The following FBXL17 variants were observed in gnomAD, a reference collection of about 807,000 sequenced individuals.
FBXL17 encodes the protein F-box/LRR-repeat protein 17.
Under a neutral mutation model 66.2 loss-of-function variants are expected in FBXL17, and 22 were observed. That is an observed-to-expected ratio of 0.33 (90% confidence interval 0.24 to 0.47). The LOEUF (loss-of-function observed/expected upper bound fraction) is 0.47. FBXL17 is among the 20% of genes least tolerant of loss of function. The pLI is 1.00. For missense variants in FBXL17, 878 were observed against 948.2 expected (o/e 0.93, Z 0.97); for synonymous variants, 474 against 400.5 (o/e 1.18, Z -2.19).
At chr5:108,370,376 G>A (rs980262732) in intron 1 of FBXL17, among the ~76,000 whole-genome samples, 1 of 152,046 alleles carries the variant, frequency 6.6e-6, no homozygotes, top group Non-Finnish European at 1.5e-5. Context: ...TTTAAATCTT[G>A]GGCCTCGGGA....
chr5:107,984,504 C>T (rs1752942771), intron 7 of FBXL17, among the ~76,000 whole-genome samples: 1 of 152,106 alleles, frequency 6.6e-6, no homozygotes, highest in Non-Finnish European at 1.5e-5. Context: ...CTTCAGTTCC[C>T]AGATGCCTGT....
intron 7 of FBXL17, among the ~76,000 whole-genome samples, chr5:107,914,058 C>A (rs1750045146): frequency 6.6e-6 from 1 of 151,174 alleles, no homozygotes; most frequent in African/African-American, 2.4e-5. Flanking sequence ...AAATTTAGTT[C>A]TATAGGAATA....
At chr5:108,157,007 A>G (rs1458477066) in intron 6 of FBXL17, among the ~76,000 whole-genome samples, 1 of 151,792 alleles carries the variant, frequency 6.6e-6, no homozygotes. Flanking sequence ...TAAATAATCT[A>G]TATTTTCCAT....
chr5:108,135,218 G>T (rs1751088221), intron 6 of FBXL17, among the ~76,000 whole-genome samples: 1 of 151,990 alleles, frequency 6.6e-6, no homozygotes, highest in Non-Finnish European at 1.5e-5. Context: ...CATAGATTTG[G>T]AGAAAAAAAG....
chr5:108,010,076 T>G (rs985950843), intron 7 of FBXL17, among the ~76,000 whole-genome samples: 1 of 152,208 alleles, frequency 6.6e-6, no homozygotes, highest in African/African-American at 2.4e-5. Flanking sequence ...TTCTGGTCAT[T>G]GTGTTAAGTG....
chr5:108,056,489 A>T (rs963867380), intron 6 of FBXL17, among the ~76,000 whole-genome samples: 1 of 152,228 alleles, frequency 6.6e-6, no homozygotes, highest in East Asian at 1.9e-4. Context: ...CTGAGACAAG[A>T]TTAGTGCATA....
intron 6 of FBXL17, among the ~76,000 whole-genome samples, chr5:108,120,032 C>A (rs55862455): frequency 0.12 from 18,450 of 152,174 alleles, 1,333 homozygotes; most frequent in East Asian, 0.16. Context: ...TGTTGGTCTA[C>A]AATTAACTTT....
intron 6 of FBXL17, among the ~76,000 whole-genome samples, chr5:108,115,711 T>C (rs1750222718): frequency 6.6e-6 from 1 of 152,034 alleles, no homozygotes; most frequent in South Asian, 2.1e-4. Context: ...CTCTGAGTAG[T>C]TCTACAAAAT....
chr5:108,053,620 G>A (rs1472076813), intron 6 of FBXL17, among the ~76,000 whole-genome samples: 2 of 152,100 alleles, frequency 1.3e-5, no homozygotes, highest in African/African-American at 4.8e-5. Context: ...AATAGATGGT[G>A]GTGAAGCTGT....
rs114560379 is a variant in FBXL17, at chr5:108,307,229, G to T, written c.1506+41170C>A. 3.8e-3 allele frequency among the ~76,000 whole-genome samples: 573 copies of T among 152,114 alleles called. 5 individuals carry two copies. Among genetic ancestry groups the T allele is most frequent in the African/African-American group, 0.013 (558 of 41,530 alleles). On this transcript the variant is annotated intron_variant, in intron 4 of 8. Transcript: ENST00000542267. ...AAAACTGTTTTAAAAAAGAGAAAAA[G>T]CTTTAAATTTAAGTTAGTGACCTTT...
intron 4 of FBXL17, among the ~76,000 whole-genome samples, chr5:108,246,222 T>C (rs1259759486): frequency 1.3e-5 from 2 of 152,202 alleles, no homozygotes; most frequent in Non-Finnish European, 2.9e-5. Flanking sequence ...CACTAGAGGC[T>C]GGGCATGGTG....
intron 6 of FBXL17, among the ~76,000 whole-genome samples, chr5:108,023,372 T>C (rs1334721444): frequency 6.6e-6 from 1 of 152,068 alleles, no homozygotes; most frequent in Non-Finnish European, 1.5e-5. Context: ...AGACACAAAA[T>C]TGAGTGGTTG....
At chr5:108,350,998 G>A (rs1056027073) in intron 3 of FBXL17, among the ~76,000 whole-genome samples, 7 of 152,180 alleles carry the variant, frequency 4.6e-5, no homozygotes, top group African/African-American at 1.7e-4. Flanking sequence ...GAGAAGTCCA[G>A]ACTAGACTAT....
chr5:108,355,857 C>A (rs562107324), intron 3 of FBXL17, among the ~76,000 whole-genome samples: 1 of 152,178 alleles, frequency 6.6e-6, no homozygotes, highest in East Asian at 1.9e-4. Context: ...TAAACATTAA[C>A]GGATATGGTA....
chr5:108,119,953 T>C (rs1750418325), intron 6 of FBXL17, among the ~76,000 whole-genome samples: 2 of 152,262 alleles, frequency 1.3e-5, no homozygotes, highest in Non-Finnish European at 2.9e-5. Flanking sequence ...GATCAGGCCC[T>C]GGCATTAGAC....
chr5:108,295,903 A>T (rs143210675), intron 4 of FBXL17, among the ~76,000 whole-genome samples: 5 of 151,384 alleles, frequency 3.3e-5, no homozygotes, highest in African/African-American at 1.2e-4. Context: ...CACAGTAGAT[A>T]GCCATTAAAG....
chr5:108,237,336 G>GA (rs2150094778), intron 4 of FBXL17, among the ~76,000 whole-genome samples: 1 of 152,300 alleles, frequency 6.6e-6, no homozygotes, highest in South Asian at 2.1e-4. Flanking sequence ...GGGATGTGAA[G>GA]AGTCCTAGCT....
Position 108,380,942 on chromosome 5 carries a change from G to C in FBXL17, c.750C>G (p.Ala250=). The change falls in exon 1 of 9, where the codon GCC becomes GCG. Residue 250 remains alanine (A), a synonymous_variant. Transcript: ENST00000542267. Reference sequence around the variant, plus strand: ...AGAGCGGCTGCGGGGGCTGCTCCGGGGCCTGGCAGCAGCCGGCGTCGGGGG... The same window carrying C: ...AGAGCGGCTGCGGGGGCTGCTCCGGCGCCTGGCAGCAGCCGGCGTCGGGGG... ...PRPPDAGCCQ[A]PEQPPQPLCP... is the part of the protein sequence containing the mutation. 7.4e-6 allele frequency: 9 copies of C among 1,222,800 alleles called. No individual in the cohort carries two copies. Among genetic ancestry groups the C allele is most frequent in the Non-Finnish European group, 9.2e-6 (9 of 980,490 alleles). 75.7% of individuals were successfully genotyped at this position (1,222,800 alleles called of 1,614,324 possible). A position where few individuals can be genotyped will look rare whatever the true frequency, so the allele number is the denominator to read the frequency against.
At chr5:108,351,375 A>T (rs961915955) in intron 3 of FBXL17, among the ~76,000 whole-genome samples, 32 of 152,284 alleles carry the variant, frequency 2.1e-4, no homozygotes, top group Non-Finnish European at 4.0e-4. Context: ...ACAAACAAAC[A>T]TGCCAGGGGA....
Sources: allele counts gnomAD v4.1 joint callset (sites outside exome capture counted in the v4.1 genomes callset), GRCh38; gene constraint gnomAD v4.1.1; transcripts MANE v1.5; gene names NCBI Gene and HGNC (gene_info 2026-07-23, HGNC 2026-07-21).